The following GNPDA2 variants were observed in gnomAD, a reference collection of about 807,000 sequenced individuals.
The protein encoded by GNPDA2 is glcN6P deaminase 2.
Under a neutral mutation model 27.0 loss-of-function variants are expected in GNPDA2, and 24 were observed. That is an observed-to-expected ratio of 0.89 (90% CI 0.64 to 1.25). The LOEUF is 1.25. Ranked by LOEUF, GNPDA2 falls within the 50% of genes most tolerant of loss-of-function variation. The pLI, the probability that GNPDA2 is intolerant of heterozygous loss-of-function variation, is 0.00. For synonymous variants in GNPDA2, 94 were observed against 108.4 expected (o/e 0.87, Z 0.83); for missense variants, 286 against 335.1 (o/e 0.85, Z 1.14).
chr4:44,722,220 C>G lies in GNPDA2; in HGVS notation c.-13G>C. On this transcript the variant is annotated 5_prime_UTR_variant, in exon 2 of 7. Coordinates refer to ENST00000295448, the MANE Select transcript of GNPDA2 (RefSeq NM_138335.3). ...TTACAAGCCTCATTACGGTGACGCA[C>G]AGCTTCCAGAACAAGTTCAAACCTG... The G allele has an allele frequency of 6.2e-7, 1 of 1,612,648 alleles. No individual in the cohort carries two copies. The highest frequency in any genetic ancestry group is 8.5e-7 in the Non-Finnish European group (1 of 1,179,228).
At position 44,702,832 on chromosome 4, in the gene GNPDA2, A is replaced by G. The variant is rs983530542; in HGVS notation, c.*249T>C. The G allele has an allele frequency of 4.5e-6, 6 of 1,322,350 alleles. No homozygotes were observed. Among genetic ancestry groups the G allele is most frequent in the African/African-American group, 3.1e-5 (2 of 65,042 alleles). The allele number at this position is 1,322,350 out of a possible 1,614,324, so 81.9% of individuals were successfully genotyped here. A position where few individuals can be genotyped will look rare whatever the true frequency, so the allele number is the denominator to read the frequency against. The stretch of plus-strand genomic sequence containing the variant: ...CAGGCAGACATTTCTATGCTGTTTT[A>G]TAGGTGGCTATGTGACTTCAGTACT... On this transcript the variant is annotated 3_prime_UTR_variant, in exon 7 of 7. Transcript: ENST00000295448.
chr4:44,710,817 G>A, intron 5 of GNPDA2, 136 bp downstream of exon 5: 1 of 675,364 alleles, frequency 1.5e-6, no homozygotes, highest in Admixed American at 3.6e-5. Flanking sequence ...ACAAAAGTTG[G>A]TTACTGAAAA....
intron 2 of GNPDA2, among the ~76,000 whole-genome samples, chr4:44,719,607 AAATAT>A (rs1717541273): frequency 9.2e-5 from 14 of 152,184 alleles, no homozygotes; most frequent in Admixed American, 4.6e-4. Context: ...AAAGATGGAT[AAATAT>A]GCTTTCCCTC....
In GNPDA2 at chr4:44,715,416, C is replaced by T. The variant is rs1419267863; in HGVS notation, c.409+1697G>A. Among the ~76,000 whole-genome samples the T allele has an allele frequency of 2.0e-5, 3 of 152,062 alleles. No homozygotes were observed. In the East Asian group the frequency reaches 5.8e-4, roughly 29 times the overall value. On this transcript the variant is annotated intron_variant, in intron 4 of 6. Coordinates refer to ENST00000295448, the MANE Select transcript of GNPDA2 (RefSeq NM_138335.3). ...ACAAATGAAGATATTTTCAAGCAGCCACTTTTAATAATGAACCTCAAACAA... is the reference window on the plus strand; with the variant it reads ...ACAAATGAAGATATTTTCAAGCAGCTACTTTTAATAATGAACCTCAAACAA...
intron 5 of GNPDA2, among the ~76,000 whole-genome samples, chr4:44,708,365 A>G (rs1160089267): frequency 6.6e-6 from 1 of 152,170 alleles, no homozygotes; most frequent in Non-Finnish European, 1.5e-5. Flanking sequence ...ACTCTAAAAC[A>G]ACAGGTAATT....
chr4:44,711,676 C>T (rs1028052309), intron 4 of GNPDA2, among the ~76,000 whole-genome samples: 1 of 151,638 alleles, frequency 6.6e-6, no homozygotes, highest in East Asian at 1.9e-4. Flanking sequence ...AACTAGTAGA[C>T]CTTTCTGTAG....
intron 1 of GNPDA2, among the ~76,000 whole-genome samples, chr4:44,724,046 G>T (rs912073538): frequency 1.5e-4 from 23 of 152,172 alleles, no homozygotes; most frequent in African/African-American, 5.1e-4. Context: ...GCAGTCGATC[G>T]TAGGGAGAGT....
intron 6 of GNPDA2, chr4:44,706,387 G>A (rs1479698656): frequency 6.6e-6 from 1 of 151,736 alleles, no homozygotes; most frequent in East Asian, 1.9e-4. Flanking sequence ...CAAATATTTA[G>A]TAAAACAGGA....
rs927854161 is a variant in GNPDA2 at position 44,704,238 on chromosome 4, T to A, written c.770-1096A>T. 1.2e-5 allele frequency: 12 copies of A among 984,450 alleles called. No individual in the cohort carries two copies. In the African/African-American group the frequency reaches 1.9e-4, roughly 16 times the overall value. The allele number at this position is 984,450 out of a possible 1,614,324, so 61.0% of individuals were successfully genotyped here. On this transcript the variant is annotated intron_variant, in intron 6 of 6. Transcript: ENST00000295448. ...CTAGTCCTGCAACTGCTCAACAGCC[T>A]ACTTGAAGGTCACCTGAAACTTCAT...
chr4:44,716,068 G>A (rs1717260958), intron 4 of GNPDA2, among the ~76,000 whole-genome samples: 3 of 151,948 alleles, frequency 2.0e-5, no homozygotes. Flanking sequence ...ATTTTGGAAT[G>A]TTTAATATTA....
At chr4:44,722,469 C>T (rs138650399) in intron 1 of GNPDA2, among the ~76,000 whole-genome samples, 1 of 152,080 alleles carries the variant, frequency 6.6e-6, no homozygotes, top group African/African-American at 2.4e-5. Context: ...TGGGCTAGGT[C>T]ATTTAAGTAT....
At position 44,711,127 on chromosome 4, in the gene GNPDA2, T is replaced by C. The variant is rs759350602; in HGVS notation, c.420A>G (p.Pro140=). 8.8e-6 allele frequency: 14 copies of C among 1,591,134 alleles called. No homozygotes were observed. The highest frequency in any genetic ancestry group is 1.1e-5 in the Non-Finnish European group (13 of 1,171,294). ...GIDLFVGGIG[P]DGHIAFNEPG... is the part of the protein sequence containing the mutation. ...GCTCATTGAAAGCGATATGACCATCTGGACCAATTCCTTTCAAAAGAAATA... is the reference window on the plus strand; with the variant it reads ...GCTCATTGAAAGCGATATGACCATCCGGACCAATTCCTTTCAAAAGAAATA... Residue 140 remains proline (P), a synonymous_variant, in exon 5 of 7, where the codon CCA becomes CCG. Coordinates refer to ENST00000295448, the MANE Select transcript of GNPDA2 (RefSeq NM_138335.3).
At chr4:44,724,229 A>T (rs1264110930) in intron 1 of GNPDA2, among the ~76,000 whole-genome samples, 1 of 152,052 alleles carries the variant, frequency 6.6e-6, no homozygotes, top group Non-Finnish European at 1.5e-5. Context: ...CTGCCCCCAG[A>T]CCTTGGTGTT....
chr4:44,702,779 C>T lies in GNPDA2; in HGVS notation c.*302G>A. The T allele has an allele frequency of 1.7e-6, 2 of 1,195,692 alleles. No homozygotes were observed. Among genetic ancestry groups the T allele is most frequent in the Non-Finnish European group, 1.0e-6 (1 of 963,662 alleles). 74.1% of individuals were successfully genotyped at this position (1,195,692 alleles called of 1,614,324 possible). A position where few individuals can be genotyped will look rare whatever the true frequency, so the allele number is the denominator to read the frequency against. On this transcript the variant is annotated 3_prime_UTR_variant, in exon 7 of 7. Transcript: ENST00000295448. Reference sequence around the variant, plus strand: ...TATCACAAATGGTGCCTGATGTGGACACTCTACCTTTAAAATGACTTTTTA... The same window carrying T: ...TATCACAAATGGTGCCTGATGTGGATACTCTACCTTTAAAATGACTTTTTA...
At position 44,711,010 on chromosome 4, in the gene GNPDA2, T is replaced by C. The variant is rs1188576446; in HGVS notation, c.537A>G (p.Ser179=). 1 of 1,613,248 alleles carries C rather than the reference T, an allele frequency of 6.2e-7. No individual in the cohort carries two copies. Among genetic ancestry groups the C allele is most frequent in the Admixed American group, 1.7e-5 (1 of 59,886 alleles). Residue 179 remains serine (S), a synonymous_variant, in exon 5 of 7, where the codon TCA becomes TCG. Transcript: ENST00000295448. ...CAGTTAGAGCCATAGTTGGCACTTT[T>C]GATAAATCTCCATCAAAATATTTGG... ...ANAKYFDGDL[S]KVPTMALTVG...
chr4:44,716,187 C>T (rs1717269466), intron 4 of GNPDA2, among the ~76,000 whole-genome samples: 1 of 151,930 alleles, frequency 6.6e-6, no homozygotes, highest in Non-Finnish European at 1.5e-5. Flanking sequence ...GACTTTAAAA[C>T]CAAATTTCCC....
At chr4:44,715,561 A>C (rs1717233371) in intron 4 of GNPDA2, among the ~76,000 whole-genome samples, 1 of 152,072 alleles carries the variant, frequency 6.6e-6, no homozygotes, top group South Asian at 2.1e-4. Flanking sequence ...GAAAATCTAA[A>C]GATTAGATGG....
At chr4:44,725,842 T>C (rs1717978767) in intron 1 of GNPDA2, among the ~76,000 whole-genome samples, 2 of 152,342 alleles carry the variant, frequency 1.3e-5, no homozygotes, top group South Asian at 4.1e-4. Flanking sequence ...ATTTTGGATG[T>C]GCATCGCTAG....
At chr4:44,711,551 A>G (rs1265101357) in intron 4 of GNPDA2, among the ~76,000 whole-genome samples, 2 of 152,138 alleles carry the variant, frequency 1.3e-5, no homozygotes, top group Non-Finnish European at 2.9e-5. Flanking sequence ...GACTTGTTCA[A>G]TGTCACAACT....
Sources: gnomAD v4.1 joint callset for allele counts (sites outside exome capture counted in the v4.1 genomes callset) on GRCh38, gnomAD v4.1.1 for gene constraint, MANE v1.5 for transcripts, NCBI Gene and HGNC (gene_info 2026-07-23, HGNC 2026-07-21) for gene names.